Variants in BCAS3 observed in about 807,000 individuals in gnomAD.
BCAS3 encodes BCAS3 microtubule associated cell migration factor.
BCAS3 carries 53 observed loss-of-function variants against 116.1 expected under a neutral mutation model. That is an observed-to-expected ratio of 0.46 (90% CI 0.37 to 0.57). The LOEUF (loss-of-function observed/expected upper bound fraction) is 0.57, where lower values mean the gene tolerates loss of function less well. Ranked by LOEUF, BCAS3 falls within the 20% of genes least tolerant of loss-of-function variation. The pLI is 0.00. For synonymous variants in BCAS3, 391 were observed against 408.2 expected (o/e 0.96, Z 0.51); for missense variants, 917 against 1,165.4 (o/e 0.79, Z 3.10).
chr17:60,679,618 C>A, intron 2 of BCAS3, 78 bp downstream of exon 2: 1 of 1,173,254 alleles, frequency 8.5e-7, no homozygotes, highest in Non-Finnish European at 1.3e-6. Context: ...TCTTTATGAA[C>A]AGTGGTTACT....
chr17:60,836,498 G>A (rs1478982966), intron 7 of BCAS3, among the ~76,000 whole-genome samples: 1 of 151,932 alleles, frequency 6.6e-6, no homozygotes, highest in Non-Finnish European at 1.5e-5. Context: ...TAGTTCTGTT[G>A]TTTGCGTTCC....
chr17:60,843,074 A>G (rs565648152), intron 7 of BCAS3, among the ~76,000 whole-genome samples: 14 of 151,106 alleles, frequency 9.3e-5, no homozygotes, highest in Middle Eastern at 3.4e-3. Context: ...GGGTCTTGCT[A>G]CGCTACTAAG....
At chr17:61,079,629 T>A (rs1384105582) in intron 21 of BCAS3, among the ~76,000 whole-genome samples, 1 of 152,098 alleles carries the variant, frequency 6.6e-6, no homozygotes, top group African/African-American at 2.4e-5. Flanking sequence ...GGAGTCTTGC[T>A]CTGTCACTCA....
intron 14 of BCAS3, among the ~76,000 whole-genome samples, chr17:60,950,385 AATAAAGT>A (rs1439950378): frequency 6.6e-6 from 1 of 152,226 alleles, no homozygotes; most frequent in Non-Finnish European, 1.5e-5. Flanking sequence ...CCCTGATCTA[AATAAAGT>A]ATAAAGAGAC....
chr17:61,348,089 C>A lies in BCAS3; in HGVS notation c.2426-20238C>A, dbSNP rs573099491. ...GGCGGAAAGACCAGTTTAAAGATTGCTAGAATAATCCCAATGAGAACTGGT... is the reference window on the plus strand; with the variant it reads ...GGCGGAAAGACCAGTTTAAAGATTGATAGAATAATCCCAATGAGAACTGGT... On this transcript the variant is annotated intron_variant, in intron 22 of 23. Transcript: ENST00000407086. The surrounding 1 kb of genome is among the most constrained non-coding windows in gnomAD (Gnocchi z 4.5). 2.2e-4 allele frequency among the ~76,000 whole-genome samples: 33 copies of A among 152,146 alleles called. No homozygotes were observed. The highest frequency in any genetic ancestry group is 3.2e-4 in the Non-Finnish European group (22 of 68,036).
chr17:61,232,521 G>T (rs1383891842), intron 22 of BCAS3, among the ~76,000 whole-genome samples: 1 of 152,024 alleles, frequency 6.6e-6, no homozygotes, highest in Non-Finnish European at 1.5e-5. Context: ...ATGGCAGTTC[G>T]GCAGACCCTT....
intron 5 of BCAS3, 69 bp from the exon 6 acceptor site, chr17:60,747,129 T>C: frequency 1.9e-6 from 2 of 1,044,618 alleles, no homozygotes; most frequent in Non-Finnish European, 2.9e-6. Context: ...TTAGAAGATC[T>C]TGTTTTTATA....
At chr17:61,133,034 C>G (rs1283163042) in intron 22 of BCAS3, among the ~76,000 whole-genome samples, 3 of 152,142 alleles carry the variant, frequency 2.0e-5, no homozygotes, top group Non-Finnish European at 4.4e-5. Flanking sequence ...CTAATCCAAT[C>G]AGATGAAGAA....
In BCAS3 at chr17:60,994,470, A is replaced by C. The variant is rs2063717947; in HGVS notation, c.1486+4235A>C. Among the ~76,000 whole-genome samples the C allele has an allele frequency of 6.6e-6, 1 of 152,020 alleles. No individual in the cohort carries two copies. The highest frequency in any genetic ancestry group is 2.4e-5 in the African/African-American group (1 of 41,368). ...AAATGGTTAAGAATCCCTGATCATC[A>C]TTTTTTCCCTCATCTATATCAGTAA... is the stretch of plus-strand genomic sequence containing the variant. On this transcript the variant is annotated intron_variant, in intron 15 of 23. Coordinates refer to ENST00000407086, the MANE Select transcript of BCAS3 (RefSeq NM_017679.5). The surrounding 1 kb of genome is among the most constrained non-coding windows in gnomAD (Gnocchi z 4.4).
In BCAS3 at chr17:61,145,965, C is replaced by T. The variant is rs2143966070; in HGVS notation, c.2425+61401C>T. ...AGATACTCCTGGAATCTGAGATTACCTTTTATCCTCTTGATGGACCATGTT... is the reference window on the plus strand; with the variant it reads ...AGATACTCCTGGAATCTGAGATTACTTTTTATCCTCTTGATGGACCATGTT... On this transcript the variant is annotated intron_variant, in intron 22 of 23. Transcript: ENST00000407086. This position sits in a 1 kb window ranked among gnomAD's most constrained non-coding sequence, Gnocchi z 5.0. Among the ~76,000 whole-genome samples, 1 of 152,196 alleles carries T rather than the reference C, an allele frequency of 6.6e-6. No individual in the cohort carries two copies. The highest frequency in any genetic ancestry group is 1.5e-5 in the Non-Finnish European group (1 of 67,998).
At chr17:61,121,621 T>G (rs1390992588) in intron 22 of BCAS3, among the ~76,000 whole-genome samples, 2 of 152,252 alleles carry the variant, frequency 1.3e-5, no homozygotes, top group Non-Finnish European at 2.9e-5. Flanking sequence ...GTAAATAGTG[T>G]TTAACCTCCA....
In BCAS3 at chr17:61,388,544, A is replaced by C; in HGVS notation, c.2594-3433A>C. ...TCCTGACACCTCTCCACCTGCTTGC[A>C]GAGATCAGTGTACTTCTCAATCGTT... On this transcript the variant is annotated intron_variant, in intron 23 of 23. Coordinates refer to ENST00000407086, the MANE Select transcript of BCAS3 (RefSeq NM_017679.5). This position sits in a 1 kb window ranked among gnomAD's most constrained non-coding sequence, Gnocchi z 6.5. 1 of 1,415,984 alleles carries C rather than the reference A, an allele frequency of 7.1e-7. No homozygotes were observed. Among genetic ancestry groups the C allele is most frequent in the Non-Finnish European group, 9.5e-7 (1 of 1,048,388 alleles). The allele number at this position is 1,415,984 out of a possible 1,614,324, so 87.7% of individuals were successfully genotyped here. A position where few individuals can be genotyped will look rare whatever the true frequency, so the allele number is the denominator to read the frequency against.
intron 7 of BCAS3, among the ~76,000 whole-genome samples, chr17:60,834,292 A>G (rs1244387592): frequency 2.0e-5 from 3 of 152,066 alleles, no homozygotes; most frequent in Non-Finnish European, 4.4e-5. Flanking sequence ...TTCTGCTATC[A>G]TTTTAAGAAT....
rs61047675 is a variant in BCAS3 at position 61,257,567 on chromosome 17, G to A, written c.2426-110760G>A. On this transcript the variant is annotated intron_variant, in intron 22 of 23. Coordinates refer to ENST00000407086, the MANE Select transcript of BCAS3 (RefSeq NM_017679.5). The stretch of plus-strand genomic sequence containing the variant: ...GAAAGTCTTCCTTTATATCAAAATA[G>A]CAAATATTTTGGTCATGTTAAAATA... Among the ~76,000 whole-genome samples the A allele has an allele frequency of 1.8e-4, 28 of 152,042 alleles. No individual in the cohort carries two copies. In the East Asian group the frequency reaches 2.7e-3, roughly 15 times the overall value.
At chr17:61,001,871 C>G (rs911919466) in intron 15 of BCAS3, among the ~76,000 whole-genome samples, 1 of 152,044 alleles carries the variant, frequency 6.6e-6, no homozygotes, top group Non-Finnish European at 1.5e-5. Context: ...ACTATTTTCT[C>G]AAGACAGAGC....
intron 22 of BCAS3, among the ~76,000 whole-genome samples, chr17:61,137,314 G>T (rs1405387187): frequency 1.3e-5 from 2 of 152,158 alleles, no homozygotes; most frequent in Non-Finnish European, 2.9e-5. Context: ...TTCAAAGCCT[G>T]TACTCATTCC....
rs75369122 is a variant in BCAS3 at position 61,343,638 on chromosome 17, A to G, written c.2426-24689A>G. 0.012 allele frequency among the ~76,000 whole-genome samples: 1,809 copies of G among 152,346 alleles called. 25 individuals are homozygous for G. Among genetic ancestry groups the G allele is most frequent in the African/African-American group, 0.041 (1,721 of 41,578 alleles). ...AGCCAAACAACTGGATGGCAAGGCA[A>G]CAGACATCCCACTGCCGTTCCTCTG... On this transcript the variant is annotated intron_variant, in intron 22 of 23. Coordinates refer to ENST00000407086, the MANE Select transcript of BCAS3 (RefSeq NM_017679.5). This position sits in a 1 kb window ranked among gnomAD's most constrained non-coding sequence, Gnocchi z 5.5.
intron 22 of BCAS3, among the ~76,000 whole-genome samples, chr17:61,267,724 G>GAAA (rs969764232): frequency 8.6e-6 from 1 of 116,952 alleles, no homozygotes; most frequent in African/African-American, 3.1e-5. Context: ...TCCGTCTCCA[G>GAAA]AAAAAAAAAA....
rs2072076688 is a variant in BCAS3, at chr17:61,077,140, A to C, written c.2131-1193A>C. Among the ~76,000 whole-genome samples the C allele has an allele frequency of 1.3e-5, 2 of 151,486 alleles. No individual in the cohort carries two copies. Among genetic ancestry groups the C allele is most frequent in the Non-Finnish European group, 1.5e-5 (1 of 67,914 alleles). On this transcript the variant is annotated intron_variant, in intron 20 of 23. Transcript: ENST00000407086. The surrounding 1 kb of genome is among the most constrained non-coding windows in gnomAD (Gnocchi z 4.3). ...TCTCATTCGAGTTGATTATTTGTAAAAAAAAAAAAAAATCATGTAATATAT... is the reference window on the plus strand; with the variant it reads ...TCTCATTCGAGTTGATTATTTGTAACAAAAAAAAAAAATCATGTAATATAT...
Sources: allele counts gnomAD v4.1 joint callset (sites outside exome capture counted in the v4.1 genomes callset), GRCh38; gene constraint gnomAD v4.1.1; non-coding constraint Gnocchi (gnomAD v3.1); transcripts MANE v1.5; gene names NCBI Gene and HGNC (gene_info 2026-07-23, HGNC 2026-07-21).